The following FAM227A variants were observed in gnomAD, a reference collection of about 807,000 sequenced individuals.
The protein encoded by FAM227A is family with sequence similarity 227 member A.
A neutral mutation model predicts 74.7 loss-of-function variants in FAM227A; 80 were observed. That is an observed-to-expected ratio of 1.07 (90% CI 0.89 to 1.29). FAM227A has a LOEUF of 1.29. Among genes scored for constraint, FAM227A ranks in the 50% most tolerant of loss-of-function variants. The pLI is 0.00. For synonymous variants in FAM227A, 237 were observed against 241.8 expected, an observed-to-expected ratio of 0.98 and a Z score of 0.19; for missense variants, 654 against 683.4, an observed-to-expected ratio of 0.96 and a Z score of 0.48.
chr22:38,624,863 A>G (rs954536885), intron 9 of FAM227A, among the ~76,000 whole-genome samples: 10 of 151,036 alleles, frequency 6.6e-5, no homozygotes, highest in African/African-American at 2.4e-4. Flanking sequence ...TCCTTACTAC[A>G]TTACTGTAAT....
In FAM227A at chr22:38,620,233, G is replaced by A; in HGVS notation, c.1017C>T (p.Ser339=). 2 of 1,551,322 alleles carry A rather than the reference G, an allele frequency of 1.3e-6. No individual in the cohort carries two copies. Among genetic ancestry groups the A allele is most frequent in the Non-Finnish European group, 1.7e-6 (2 of 1,146,770 alleles). Residue 339 remains serine, a synonymous_variant, in exon 11 of 17, where the codon AGC becomes AGT. Coordinates refer to ENST00000535113, the MANE Select transcript of FAM227A (RefSeq NM_001013647.2). ...TTACCTGAGGGTGGTAGAATTTCCT[G>A]CTCTGGGCTGGCTTCTGGGAGAAGG... ...KRAFSQKPAQ[S]RKFYHPQSSS... is the part of the protein sequence containing the mutation.
At chr22:38,607,578 C>G in intron 11 of FAM227A, 102 bp from the exon 12 acceptor site, 5 of 810,976 alleles carry the variant, frequency 6.2e-6, no homozygotes, top group Non-Finnish European at 1.0e-5. Context: ...CATGCAATTT[C>G]TTTGCTATTT....
intron 16 of FAM227A, among the ~76,000 whole-genome samples, chr22:38,587,971 A>T (rs2090844443): frequency 6.6e-6 from 1 of 152,234 alleles, no homozygotes; most frequent in Non-Finnish European, 1.5e-5. Flanking sequence ...AATTATCTCA[A>T]ATGATGCAGA....
intron 2 of FAM227A, among the ~76,000 whole-genome samples, chr22:38,649,114 T>C (rs183919974): frequency 6.6e-6 from 1 of 152,280 alleles, no homozygotes; most frequent in African/African-American, 2.4e-5. Flanking sequence ...TTTTTAAAAT[T>C]AGCTTTTAAA....
chr22:38,626,755 T>A (rs1168075312), intron 8 of FAM227A, among the ~76,000 whole-genome samples: 3 of 147,208 alleles, frequency 2.0e-5, no homozygotes, highest in Non-Finnish European at 4.5e-5. Flanking sequence ...ATGCCTGTAA[T>A]CCCATTTACC....
At chr22:38,590,741 T>C (rs569261585) in intron 16 of FAM227A, among the ~76,000 whole-genome samples, 1 of 152,298 alleles carries the variant, frequency 6.6e-6, no homozygotes, top group African/African-American at 2.4e-5. Flanking sequence ...CTACCAATAA[T>C]AACACTAAAA....
chr22:38,621,634 C>T (rs537712342), intron 10 of FAM227A, among the ~76,000 whole-genome samples: 1 of 152,088 alleles, frequency 6.6e-6, no homozygotes, highest in African/African-American at 2.4e-5. Flanking sequence ...TGAATAAGTG[C>T]CAGCTTATAA....
intron 1 of FAM227A, among the ~76,000 whole-genome samples, chr22:38,650,898 C>G (rs1052430200): frequency 6.6e-6 from 1 of 152,104 alleles, no homozygotes. Flanking sequence ...TGATAGGCCT[C>G]GTTATAATAC....
In FAM227A at chr22:38,580,166, C is replaced by CT. The variant is rs2090694603; in HGVS notation, c.*5958_*5959insA. ...ACCTCCTGGGCTCTAGGGGTTCTTCCACCTTGGCCTCCTAAAGTGCTGGGA... is the reference window on the plus strand; with the variant it reads ...ACCTCCTGGGCTCTAGGGGTTCTTCCTACCTTGGCCTCCTAAAGTGCTGGGA... On this transcript the variant is annotated 3_prime_UTR_variant, in exon 17 of 17. Coordinates refer to ENST00000535113, the MANE Select transcript of FAM227A (RefSeq NM_001013647.2). 1 of 152,234 alleles carries CT rather than the reference C, an allele frequency of 6.6e-6. No homozygotes were observed. Among genetic ancestry groups the CT allele is most frequent in the Non-Finnish European group, 1.5e-5 (1 of 68,076 alleles). 9.4% of individuals were successfully genotyped at this position (152,234 alleles called of 1,614,324 possible). A position where few individuals can be genotyped will look rare whatever the true frequency, so the allele number is the denominator to read the frequency against.
chr22:38,625,877 A>G (rs1052123635), intron 9 of FAM227A, among the ~76,000 whole-genome samples: 3 of 142,986 alleles, frequency 2.1e-5, no homozygotes, highest in Non-Finnish European at 4.5e-5. Flanking sequence ...TGGGAGGCGG[A>G]GGTTGCAGTG....
In FAM227A at chr22:38,650,222, T is replaced by C. The variant is rs2092304696; in HGVS notation, c.-54A>G. 2 of 1,517,618 alleles carry C rather than the reference T, an allele frequency of 1.3e-6. No homozygotes were observed. The highest frequency in any genetic ancestry group is 2.4e-5 in the South Asian group (2 of 82,568). 94.0% of individuals were successfully genotyped at this position (1,517,618 alleles called of 1,614,324 possible). A position where few individuals can be genotyped will look rare whatever the true frequency, so the allele number is the denominator to read the frequency against. On this transcript the variant is annotated 5_prime_UTR_variant, in exon 2 of 17. Transcript: ENST00000535113. ...AAAAGCTTCCACTTTTAAGAGCCTC[T>C]CATTTCCCACTCCAATCTTGTCGTT...
At chr22:38,646,405 G>A (rs1021768601) in intron 2 of FAM227A, among the ~76,000 whole-genome samples, 12 of 143,522 alleles carry the variant, frequency 8.4e-5, no homozygotes, top group East Asian at 2.1e-4. Context: ...GACTACAGGC[G>A]CCCGCCACTA....
intron 5 of FAM227A, among the ~76,000 whole-genome samples, chr22:38,636,919 C>T (rs762381725): frequency 6.6e-6 from 1 of 151,612 alleles, no homozygotes; most frequent in African/African-American, 2.4e-5. Context: ...TACAGGTGCC[C>T]GCCACCATGC....
Position 38,645,966 on chromosome 22 carries a change from G to A in FAM227A, c.143-321C>T, listed in dbSNP as rs1324009465. On this transcript the variant is annotated intron_variant, in intron 2 of 16. Transcript: ENST00000535113. ...CCCTGGCCTATTTTTAAAATTTCTT[G>A]TAGAGATGCAGTTTCGCCATGTTTC... Among the ~76,000 whole-genome samples the A allele has an allele frequency of 1.3e-5, 2 of 151,672 alleles. 1 individual carries two copies. Among genetic ancestry groups the A allele is most frequent in the African/African-American group, 4.8e-5 (2 of 41,276 alleles).
In FAM227A at chr22:38,579,879, G is replaced by A. The variant is rs1267611700; in HGVS notation, c.*6246C>T. ...CATAAATGCCACATTTTGTTTCAAT[G>A]GGATCCAAATAATGTCCACATGTTG... On this transcript the variant is annotated 3_prime_UTR_variant, in exon 17 of 17. Transcript: ENST00000535113. 6.6e-6 allele frequency: 1 copy of A among 151,786 alleles called. No individual in the cohort carries two copies. Among genetic ancestry groups the A allele is most frequent in the East Asian group, 1.9e-4 (1 of 5,182 alleles). The allele number at this position is 151,786 out of a possible 1,614,324, so 9.4% of individuals were successfully genotyped here.
chr22:38,644,835 C>G (rs368370497), intron 3 of FAM227A, among the ~76,000 whole-genome samples: 1 of 152,024 alleles, frequency 6.6e-6, no homozygotes, highest in South Asian at 2.1e-4. Context: ...CGCCTGTAAT[C>G]CCAGCACTTT....
At position 38,607,464 on chromosome 22, in the gene FAM227A, T is replaced by C. The variant is rs1276189333; in HGVS notation, c.1051A>G (p.Asn351Asp). The C allele has an allele frequency of 3.2e-6, 5 of 1,550,672 alleles. No individual in the cohort carries two copies. Among genetic ancestry groups the C allele is most frequent in the Admixed American group, 3.9e-5 (2 of 50,968 alleles). Residue 351 changes from asparagine to aspartate, a missense_variant, in exon 12 of 17, where the codon AAT becomes GAT. By Grantham distance (23) the Asn-to-Asp change is conservative. Transcript: ENST00000535113. ...KFYHPQSSSA[N>D]SPSEKTSSAK... ...GAAGAGGTTTTTTCACTGGGTGAATTTGCACTAGAAGACTTCAGGAGACAA... is the reference window on the plus strand; with the variant it reads ...GAAGAGGTTTTTTCACTGGGTGAATCTGCACTAGAAGACTTCAGGAGACAA...
chr22:38,585,923 T>C lies in FAM227A; in HGVS notation c.*202A>G. On this transcript the variant is annotated 3_prime_UTR_variant, in exon 17 of 17. Coordinates refer to ENST00000535113, the MANE Select transcript of FAM227A (RefSeq NM_001013647.2). ...GAAAGAGTAAATCTATGAATAAATGTAGTGACCCAAGCACCAACTCTCTAC... is the reference window on the plus strand; with the variant it reads ...GAAAGAGTAAATCTATGAATAAATGCAGTGACCCAAGCACCAACTCTCTAC... The C allele has an allele frequency of 8.3e-7, 1 of 1,198,976 alleles. No individual in the cohort carries two copies. Among genetic ancestry groups the C allele is most frequent in the Non-Finnish European group, 1.1e-6 (1 of 875,756 alleles). 74.3% of individuals were successfully genotyped at this position (1,198,976 alleles called of 1,614,324 possible).
At position 38,580,622 on chromosome 22, in the gene FAM227A, G is replaced by T. The variant is rs2090698742; in HGVS notation, c.*5503C>A. On this transcript the variant is annotated 3_prime_UTR_variant, in exon 17 of 17. Coordinates refer to ENST00000535113, the MANE Select transcript of FAM227A (RefSeq NM_001013647.2). ...CTATCATTATTTCTGAATTTATTAG[G>T]TGGATTGTTTCTAAAGACAAGTTTC... 1 of 152,164 alleles carries T rather than the reference G, an allele frequency of 6.6e-6. No individual in the cohort carries two copies. The highest frequency in any genetic ancestry group is 2.1e-4 in the South Asian group (1 of 4,830). 9.4% of individuals were successfully genotyped at this position (152,164 alleles called of 1,614,324 possible). A position where few individuals can be genotyped will look rare whatever the true frequency, so the allele number is the denominator to read the frequency against.
Sources: gnomAD v4.1 joint callset for allele counts (sites outside exome capture counted in the v4.1 genomes callset) on GRCh38, gnomAD v4.1.1 for gene constraint, MANE v1.5 for transcripts, NCBI Gene and HGNC (gene_info 2026-07-23, HGNC 2026-07-21) for gene names.